The following TSTD2 variants were observed in gnomAD, a reference collection of about 807,000 sequenced individuals.
The protein encoded by TSTD2 is thiosulfate sulfurtransferase/rhodanese-like domain-containing protein 2.
TSTD2 carries 37 observed loss-of-function variants against 47.9 expected under a neutral mutation model. That is an observed-to-expected ratio of 0.77 (90% CI 0.59 to 1.02). TSTD2 has a LOEUF of 1.02. Ranked by LOEUF, TSTD2 falls within the 50% of genes least tolerant of loss-of-function variation. The probability of loss-of-function intolerance (pLI) is 0.00; values close to 1 mark genes in which losing one functional copy is unlikely to be tolerated. For missense variants in TSTD2, 586 were observed against 616.0 expected (o/e 0.95, Z 0.52); for synonymous variants, 201 against 215.9 (o/e 0.93, Z 0.61).
chr9:97,606,231 TTATGAA>T lies in TSTD2; in HGVS notation c.860_865del (p.Phe287_Lys289delinsTer). ...CTGAGATAAAAACTTTTCTACTTCT[TTATGAA>T]ATTCACCTGGGGATAAATGGATTCC... On this transcript the variant is annotated stop_gained and inframe_deletion, in exon 7 of 10. Transcript: ENST00000341170. LOFTEE classifies it high-confidence loss of function. 1 of 1,609,658 alleles carries T rather than the reference TTATGAA, an allele frequency of 6.2e-7. No individual in the cohort carries two copies. Among genetic ancestry groups the T allele is most frequent in the Non-Finnish European group, 8.5e-7 (1 of 1,177,894 alleles).
In TSTD2 at chr9:97,602,509, G is replaced by A. The variant is rs370470757; in HGVS notation, c.1511C>T (p.Pro504Leu). ...QHVRQPVSPE[P>L]GPDADEDGPV... ...CCCATCCTCATCAGCATCAGGCCCTGGCTCTGGGCTCACAGGCTGTCGCAC... is the reference window on the plus strand; with the variant it reads ...CCCATCCTCATCAGCATCAGGCCCTAGCTCTGGGCTCACAGGCTGTCGCAC... Residue 504 changes from proline (P) to leucine (L), a missense_variant, in exon 10 of 10, where the codon CCA becomes CTA. Transcript: ENST00000341170. 6.2e-7 allele frequency: 1 copy of A among 1,613,634 alleles called. No homozygotes were observed. Among genetic ancestry groups the A allele is most frequent in the Non-Finnish European group, 8.5e-7 (1 of 1,179,770 alleles).
chr9:97,604,572 C>T, intron 9 of TSTD2, 155 bp downstream of exon 9: 1 of 1,184,380 alleles, frequency 8.4e-7, no homozygotes, highest in Non-Finnish European at 1.2e-6. Context: ...CTCAGCTCCA[C>T]AGCTGGGAAA....
At chr9:97,629,169 A>T (rs1461159113) in intron 1 of TSTD2, among the ~76,000 whole-genome samples, 4 of 152,204 alleles carry the variant, frequency 2.6e-5, no homozygotes, top group Non-Finnish European at 4.4e-5. Flanking sequence ...GAGAGAAAGG[A>T]AGGTGGGAGA....
intron 7 of TSTD2, among the ~76,000 whole-genome samples, chr9:97,605,926 A>G (rs954262805): frequency 1.3e-5 from 2 of 152,228 alleles, no homozygotes; most frequent in Non-Finnish European, 2.9e-5. Flanking sequence ...GTCACAAAGT[A>G]TATTATGTGC....
intron 1 of TSTD2, among the ~76,000 whole-genome samples, chr9:97,630,251 T>G (rs1329687345): frequency 1.3e-5 from 2 of 152,184 alleles, no homozygotes; most frequent in African/African-American, 4.8e-5. Context: ...TGCACCTGAG[T>G]GTGGGGTGCC....
intron 4 of TSTD2, among the ~76,000 whole-genome samples, chr9:97,614,962 G>T (rs539572272): frequency 9.9e-5 from 15 of 152,280 alleles, no homozygotes; most frequent in South Asian, 4.2e-4. Flanking sequence ...TAGAAAAATA[G>T]AGCCCAATCA....
At chr9:97,617,158 T>C (rs997900472) in intron 4 of TSTD2, among the ~76,000 whole-genome samples, 2 of 152,306 alleles carry the variant, frequency 1.3e-5, no homozygotes, top group Middle Eastern at 3.4e-3. Flanking sequence ...TACTTCAGAC[T>C]GCAGCTCTAA....
chr9:97,600,289 A>G lies in TSTD2; in HGVS notation c.*2180T>C. 1 of 986,248 alleles carries G rather than the reference A, an allele frequency of 1.0e-6. No individual in the cohort carries two copies. The highest frequency in any genetic ancestry group is 1.2e-6 in the Non-Finnish European group (1 of 830,220). 61.1% of individuals were successfully genotyped at this position (986,248 alleles called of 1,614,324 possible). On this transcript the variant is annotated 3_prime_UTR_variant, in exon 10 of 10. Transcript: ENST00000341170. ...GAACTCTGCCAGGAGTCAACATGAG[A>G]TTCCTTTTGCTGGATATGCAGAAAT...
rs75919710 is a variant in TSTD2, at chr9:97,615,001, A to G, written c.603+2756T>C. 7.5e-3 allele frequency among the ~76,000 whole-genome samples: 1,149 copies of G among 152,288 alleles called. 10 individuals are homozygous for G. Among genetic ancestry groups the G allele is most frequent in the African/African-American group, 0.025 (1,053 of 41,552 alleles). On this transcript the variant is annotated intron_variant, in intron 4 of 9. Transcript: ENST00000341170. ...TAAGAGTCAGAAAACCCACTCCAAA[A>G]GAGTTTCTGACTACAGCAGGTAGGA... is the stretch of plus-strand genomic sequence containing the variant.
At chr9:97,604,556 G>T in intron 9 of TSTD2, 171 bp downstream of exon 9, 1 of 1,001,000 alleles carries the variant, frequency 1.0e-6, no homozygotes. Flanking sequence ...CCTGGGCTAG[G>T]GTTCTCTCAG....
chr9:97,611,520 CACAGAG>C (rs1826459128), intron 5 of TSTD2, 48 bp downstream of exon 5: 2 of 1,529,310 alleles, frequency 1.3e-6, no homozygotes, highest in Admixed American at 3.5e-5. Flanking sequence ...CAATAACATG[CACAGAG>C]GCAGAAGCAG....
chr9:97,606,257 G>A lies in TSTD2; in HGVS notation c.840C>T (p.Ile280=). The A allele has an allele frequency of 6.3e-7, 1 of 1,589,500 alleles. No individual in the cohort carries two copies. Among genetic ancestry groups the A allele is most frequent in the Non-Finnish European group, 8.6e-7 (1 of 1,167,360 alleles). ...TATGAAATTCACCTGGGGATAAATG[G>A]ATTCCTAAAACCAAACCAAAAAAAT... ...PKKISYKKPG[I]HLSPGEFHKE... Residue 280 remains isoleucine (I), a synonymous_variant, in exon 7 of 10, where the codon ATC becomes ATT. Transcript: ENST00000341170.
chr9:97,609,453 T>C (rs1826421254), intron 6 of TSTD2, among the ~76,000 whole-genome samples: 1 of 152,100 alleles, frequency 6.6e-6, no homozygotes, highest in African/African-American at 2.4e-5. Flanking sequence ...GAAAAAAAGA[T>C]GGAAACAAAT....
Position 97,600,125 on chromosome 9 carries a change from C to CTATT in TSTD2, c.*2340_*2343dup, listed in dbSNP as rs1826219761. 2 of 1,004,176 alleles carry CTATT rather than the reference C, an allele frequency of 2.0e-6. No homozygotes were observed. Among genetic ancestry groups the CTATT allele is most frequent in the African/African-American group, 1.7e-5 (1 of 58,068 alleles). The allele number at this position is 1,004,176 out of a possible 1,614,324, so 62.2% of individuals were successfully genotyped here. A position where few individuals can be genotyped will look rare whatever the true frequency, so the allele number is the denominator to read the frequency against. On this transcript the variant is annotated 3_prime_UTR_variant, in exon 10 of 10. Coordinates refer to ENST00000341170, the MANE Select transcript of TSTD2 (RefSeq NM_139246.5). ...ACACTTTATTACAAATTTGTCTTAG[C>CTATT]TATTAGCAAATAAAACTGATTATCA... is the stretch of plus-strand genomic sequence containing the variant.
intron 1 of TSTD2, among the ~76,000 whole-genome samples, chr9:97,632,628 G>C (rs535192075): frequency 2.6e-5 from 4 of 151,692 alleles, no homozygotes; most frequent in Admixed American, 2.6e-4. Context: ...AAGCGGATCC[G>C]CCCGCGTCGG....
intron 4 of TSTD2, among the ~76,000 whole-genome samples, chr9:97,614,567 A>G (rs947775163): frequency 2.0e-5 from 3 of 147,822 alleles, no homozygotes; most frequent in South Asian, 2.2e-4. Flanking sequence ...AGAACGTGAC[A>G]AGATCTGGAG....
intron 5 of TSTD2, 32 bp from the exon 6 acceptor site, chr9:97,610,483 C>A: frequency 2.1e-6 from 3 of 1,453,684 alleles, no homozygotes; most frequent in South Asian, 1.4e-5. Context: ...AGAATACAGT[C>A]TTGCTGTCCC....
At chr9:97,605,398 G>T in intron 8 of TSTD2, 85 bp downstream of exon 8, 2 of 1,546,870 alleles carry the variant, frequency 1.3e-6, no homozygotes, top group Non-Finnish European at 8.8e-7. Context: ...GGGAGTACTG[G>T]GGGCAGCGGA....
At chr9:97,627,978 A>T (rs1010739475) in intron 1 of TSTD2, among the ~76,000 whole-genome samples, 1 of 152,226 alleles carries the variant, frequency 6.6e-6, no homozygotes, top group Non-Finnish European at 1.5e-5. Flanking sequence ...CACAGAGAGT[A>T]GGAAAAGCCT....
Sources: allele counts gnomAD v4.1 joint callset (sites outside exome capture counted in the v4.1 genomes callset), GRCh38; gene constraint gnomAD v4.1.1; transcripts MANE v1.5; gene names NCBI Gene and HGNC (gene_info 2026-07-23, HGNC 2026-07-21).